The following ZNF804B variants were observed in gnomAD, a reference collection of about 807,000 sequenced individuals.
ZNF804B encodes the protein zinc finger 804B.
A neutral mutation model predicts 101.4 loss-of-function variants in ZNF804B; 80 were observed. The observed-to-expected ratio is 0.79, with a 90% CI of 0.66 to 0.95. The LOEUF is 0.95. ZNF804B is among the 40% of genes least tolerant of loss of function. The probability of loss-of-function intolerance (pLI) is 0.00; values close to 1 mark genes in which losing one functional copy is unlikely to be tolerated. For missense variants in ZNF804B, 1,673 were observed against 1,561.9 expected, an observed-to-expected ratio of 1.07 and a Z score of -1.20; for synonymous variants, 622 against 558.8, an observed-to-expected ratio of 1.11 and a Z score of -1.59.
chr7:88,771,354 T>TTAAAGAATAAAATAATATA, intron 1 of ZNF804B, among the ~76,000 whole-genome samples: 1 of 152,178 alleles, frequency 6.6e-6, no homozygotes, highest in South Asian at 2.1e-4. Context: ...AATTTTTGTA[T>TTAAAGAATAAAATAATATA]TAAAGAATAA....
intron 1 of ZNF804B, among the ~76,000 whole-genome samples, chr7:89,040,881 GC>G: frequency 6.6e-6 from 1 of 152,234 alleles, no homozygotes; most frequent in South Asian, 2.1e-4. Context: ...GTGGAAGCTG[GC>G]CTGGTGCTAA....
intron 1 of ZNF804B, among the ~76,000 whole-genome samples, chr7:88,966,075 A>T (rs1192556049): frequency 6.6e-6 from 1 of 151,508 alleles, no homozygotes; most frequent in African/African-American, 2.4e-5. Context: ...GAGAAAAGAT[A>T]GAAGCTTTCA....
intron 1 of ZNF804B, among the ~76,000 whole-genome samples, chr7:89,217,003 GA>G (rs1318549898): frequency 6.6e-6 from 1 of 152,154 alleles, no homozygotes; most frequent in Non-Finnish European, 1.5e-5. Flanking sequence ...TATAAACCAT[GA>G]TTATCCATTA....
intron 1 of ZNF804B, among the ~76,000 whole-genome samples, chr7:89,031,386 CT>C (rs1788831746): frequency 6.6e-6 from 1 of 151,874 alleles, no homozygotes; most frequent in Non-Finnish European, 1.5e-5. Flanking sequence ...ATAATCATTT[CT>C]TTGTACAACT....
chr7:89,274,172 T>A (rs1225129604), intron 2 of ZNF804B, among the ~76,000 whole-genome samples: 2 of 149,872 alleles, frequency 1.3e-5, no homozygotes, highest in South Asian at 2.1e-4. Flanking sequence ...TCTTTTTTTT[T>A]ATTATACTTT....
chr7:89,253,410 G>T (rs762877168), intron 2 of ZNF804B, among the ~76,000 whole-genome samples: 2 of 152,118 alleles, frequency 1.3e-5, no homozygotes, highest in African/African-American at 4.8e-5. Context: ...ATAGGTATAA[G>T]TAGAGATGCT....
chr7:89,329,470 C>G (rs1174975933), intron 3 of ZNF804B, among the ~76,000 whole-genome samples: 1 of 151,602 alleles, frequency 6.6e-6, no homozygotes, highest in Non-Finnish European at 1.5e-5. Context: ...TTTCTTTGTC[C>G]TTTTTCCTCA....
chr7:88,953,057 A>G (rs16868506), intron 1 of ZNF804B, among the ~76,000 whole-genome samples: 14,907 of 151,786 alleles, frequency 0.098, 976 homozygotes, highest in East Asian at 0.2. Context: ...ACCTGGTGTC[A>G]GGATTGAGTT....
At chr7:88,914,318 G>T (rs529451194) in intron 1 of ZNF804B, among the ~76,000 whole-genome samples, 7 of 152,216 alleles carry the variant, frequency 4.6e-5, no homozygotes, top group South Asian at 2.1e-4. Context: ...TGCCGATAGG[G>T]TCCATGTTTG....
chr7:89,325,402 A>G (rs944617535), intron 2 of ZNF804B, among the ~76,000 whole-genome samples: 1 of 152,038 alleles, frequency 6.6e-6, no homozygotes, highest in African/African-American at 2.4e-5. Context: ...ACTCAACACT[A>G]TCTTACAGAA....
chr7:88,902,025 C>G (rs905781142), intron 1 of ZNF804B, among the ~76,000 whole-genome samples: 1 of 151,802 alleles, frequency 6.6e-6, no homozygotes, highest in Non-Finnish European at 1.5e-5. Flanking sequence ...ATGATACATG[C>G]AAAACTTAGA....
chr7:88,953,331 T>C (rs1793253417), intron 1 of ZNF804B, among the ~76,000 whole-genome samples: 1 of 151,786 alleles, frequency 6.6e-6, no homozygotes, highest in African/African-American at 2.4e-5. Context: ...AATGTCCATT[T>C]CCCTGCTCTA....
At chr7:89,257,724 C>A (rs1381407966) in intron 2 of ZNF804B, among the ~76,000 whole-genome samples, 1 of 152,110 alleles carries the variant, frequency 6.6e-6, no homozygotes, top group Non-Finnish European at 1.5e-5. Flanking sequence ...AGGTAATGAG[C>A]ATAGTACCTA....
chr7:89,335,023 C>A lies in ZNF804B; in HGVS notation c.2041C>A (p.His681Asn). Reference protein sequence around the residue: ...KDFSVILKSNHISMTSKVSGC... With the variant: ...KDFSVILKSNNISMTSKVSGC... ...CTTCAGTGTAATTTTGAAGAGTAAC[C>A]ACATCAGCATGACCAGCAAGGTTTC... is the stretch of plus-strand genomic sequence containing the variant. The change falls in exon 4 of 4, where the codon CAC (histidine) becomes AAC (asparagine). Residue 681 changes from histidine (H) to asparagine (N), a missense_variant. His to Asn is a moderately conservative substitution (Grantham distance 68, BLOSUM62 1). Transcript: ENST00000333190. 6.2e-7 allele frequency: 1 copy of A among 1,613,786 alleles called. No homozygotes were observed. The highest frequency in any genetic ancestry group is 8.5e-7 in the Non-Finnish European group (1 of 1,179,920).
intron 1 of ZNF804B, among the ~76,000 whole-genome samples, chr7:88,919,460 T>G (rs1342707686): frequency 6.6e-6 from 1 of 152,136 alleles, no homozygotes; most frequent in East Asian, 1.9e-4. Context: ...GGACAGTCTT[T>G]TTAAAGCAAG....
intron 1 of ZNF804B, among the ~76,000 whole-genome samples, chr7:89,184,558 T>TTAA (rs1788345072): frequency 1.3e-5 from 2 of 152,326 alleles, no homozygotes; most frequent in Non-Finnish European, 2.9e-5. Flanking sequence ...TTTCTATTTA[T>TTAA]TAATAATAAT....
At chr7:88,804,475 A>G (rs1459166421) in intron 1 of ZNF804B, among the ~76,000 whole-genome samples, 2 of 152,072 alleles carry the variant, frequency 1.3e-5, no homozygotes, top group Non-Finnish European at 2.9e-5. Context: ...ACTCTCAGTT[A>G]TGTTTCTTTT....
chr7:88,850,339 T>C (rs1791434680), intron 1 of ZNF804B, among the ~76,000 whole-genome samples: 1 of 152,072 alleles, frequency 6.6e-6, no homozygotes, highest in Admixed American at 6.6e-5. Flanking sequence ...ACAAGGTGGC[T>C]AAAGTTTGCA....
rs1026474776 is a variant in ZNF804B at position 89,057,105 on chromosome 7, G to A, written c.109-161050G>A. Among the ~76,000 whole-genome samples, 11 of 152,164 alleles carry A rather than the reference G, an allele frequency of 7.2e-5. No individual in the cohort carries two copies. In the South Asian group the frequency reaches 1.5e-3, roughly 20 times the overall value. On this transcript the variant is annotated intron_variant, in intron 1 of 3. Coordinates refer to ENST00000333190, the MANE Select transcript of ZNF804B (RefSeq NM_181646.5). Reference sequence around the variant, plus strand: ...TTGGAGTCCAAAAAACATCTTAAGCGATAGATTCTTAAACAAAAGCTTTAT... The same window carrying A: ...TTGGAGTCCAAAAAACATCTTAAGCAATAGATTCTTAAACAAAAGCTTTAT...
Sources: allele counts gnomAD v4.1 joint callset (sites outside exome capture counted in the v4.1 genomes callset), GRCh38; gene constraint gnomAD v4.1.1; transcripts MANE v1.5; gene names NCBI Gene and HGNC (gene_info 2026-07-23, HGNC 2026-07-21).